The following NAV3 variants were observed in gnomAD, a reference collection of about 807,000 sequenced individuals.
NAV3 encodes pore membrane and/or filament interacting like protein 1.
In NAV3, 87 loss-of-function variants were observed where a neutral mutation model predicts 244.7. The ratio of observed to expected loss-of-function variants is 0.36; its 90% CI spans 0.30 to 0.42. The LOEUF is 0.42. Ranked by LOEUF, NAV3 falls within the 20% of genes least tolerant of loss-of-function variation. The probability of loss-of-function intolerance (pLI) is 1.00; values close to 1 mark genes in which losing one functional copy is unlikely to be tolerated. For missense variants in NAV3, 2,663 were observed against 2,893.3 expected, an observed-to-expected ratio of 0.92 and a Z score of 1.83; for synonymous variants, 1,126 against 1,042.2, an observed-to-expected ratio of 1.08 and a Z score of -1.55.
At chr12:78,143,674 G>C (rs1256663275) in intron 20 of NAV3, among the ~76,000 whole-genome samples, 1 of 150,538 alleles carries the variant, frequency 6.6e-6, no homozygotes, top group African/African-American at 2.4e-5. Context: ...GGGAGAGGGA[G>C]AGGGAATCTA....
Position 77,694,604 on chromosome 12 carries a change from A to C in NAV3, c.72+122338A>C, listed in dbSNP as rs78571531. Among the ~76,000 whole-genome samples the C allele has an allele frequency of 5.9e-3, 893 of 152,310 alleles. 11 individuals are homozygous for C. Among genetic ancestry groups the C allele is most frequent in the African/African-American group, 0.02 (847 of 41,578 alleles). Reference sequence around the variant, plus strand: ...GACAGCCTACTACCAATCTACACTTAACATGACTAGTATCTCCTTGAGTTA... The same window carrying C: ...GACAGCCTACTACCAATCTACACTTCACATGACTAGTATCTCCTTGAGTTA... On this transcript the variant is annotated intron_variant, in intron 2 of 8. Transcript: ENST00000550042.
At chr12:77,642,280 T>C (rs1872448715) in intron 2 of NAV3, among the ~76,000 whole-genome samples, 6 of 152,088 alleles carry the variant, frequency 3.9e-5, no homozygotes, top group Admixed American at 3.9e-4. Context: ...TAAAAATCTT[T>C]AATTATTATT....
intron 5 of NAV3, among the ~76,000 whole-genome samples, chr12:77,987,181 A>T (rs958081691): frequency 2.6e-5 from 4 of 152,160 alleles, no homozygotes; most frequent in Non-Finnish European, 5.9e-5. Flanking sequence ...CTGTATACAG[A>T]TTCTATAATA....
chr12:77,574,175 C>T (rs1202274903), intron 2 of NAV3, among the ~76,000 whole-genome samples: 1 of 152,088 alleles, frequency 6.6e-6, no homozygotes, highest in African/African-American at 2.4e-5. Flanking sequence ...TGAATGTTTT[C>T]AATGAGCAGT....
At chr12:77,735,445 T>G (rs1877294978) in intron 2 of NAV3, among the ~76,000 whole-genome samples, 2 of 152,126 alleles carry the variant, frequency 1.3e-5, no homozygotes, top group Admixed American at 1.3e-4. Context: ...AATGGTTAGC[T>G]AGATTTGAAC....
chr12:77,812,245 A>AC (rs200703877), intron 2 of NAV3, among the ~76,000 whole-genome samples: 2,185 of 152,122 alleles, frequency 0.014, 30 homozygotes, highest in African/African-American at 0.038. Flanking sequence ...CATTTAGAAA[A>AC]CCCCCTCTGA....
At chr12:77,903,525 T>G (rs941257503) in intron 1 of NAV3, among the ~76,000 whole-genome samples, 1 of 152,122 alleles carries the variant, frequency 6.6e-6, no homozygotes, top group Non-Finnish European at 1.5e-5. Context: ...ATGTTAGACC[T>G]AAAACCATAA....
chr12:77,622,110 G>A (rs974727224), intron 2 of NAV3, among the ~76,000 whole-genome samples: 2 of 152,076 alleles, frequency 1.3e-5, no homozygotes, highest in African/African-American at 4.8e-5. Context: ...AAATTGAATA[G>A]AAAAGGCAGG....
chr12:77,834,344 C>T (rs1315043695), intron 1 of NAV3, among the ~76,000 whole-genome samples: 1 of 152,144 alleles, frequency 6.6e-6, no homozygotes, highest in African/African-American at 2.4e-5. Context: ...TGAGAAAAAT[C>T]AGTTAAAATA....
At chr12:77,602,780 C>A (rs1353267647) in intron 2 of NAV3, among the ~76,000 whole-genome samples, 1 of 151,984 alleles carries the variant, frequency 6.6e-6, no homozygotes, top group East Asian at 1.9e-4. Context: ...CAGCCTCCTA[C>A]CTGTCAGAAG....
intron 2 of NAV3, among the ~76,000 whole-genome samples, chr12:77,799,102 C>T (rs1393183755): frequency 6.6e-6 from 1 of 152,148 alleles, no homozygotes; most frequent in African/African-American, 2.4e-5. Context: ...CTATCTTGAA[C>T]CTGAGCCGCA....
In NAV3 at chr12:77,825,401, G is replaced by A. The variant is rs765909401; in HGVS notation, c.73-114918G>A. ...TATGTTAATATATGTAGAAGAAAAC[G>A]TATGCTAACAGTAGCACAAGAAAGT... On this transcript the variant is annotated intron_variant, in intron 2 of 8. Transcript: ENST00000550042. Among the ~76,000 whole-genome samples, 17 of 152,050 alleles carry A rather than the reference G, an allele frequency of 1.1e-4. 1 individual carries two copies. The South Asian group carries it at 1.2e-3, about 11-fold the overall frequency.
intron 9 of NAV3, among the ~76,000 whole-genome samples, chr12:78,025,792 C>T (rs1382712497): frequency 1.3e-5 from 2 of 151,886 alleles, no homozygotes; most frequent in African/African-American, 4.8e-5. Context: ...TTCACTTTTT[C>T]TTGTTTATGC....
intron 1 of NAV3, among the ~76,000 whole-genome samples, chr12:77,904,403 C>G (rs1159184815): frequency 2.0e-5 from 3 of 152,052 alleles, no homozygotes; most frequent in Non-Finnish European, 1.5e-5. Flanking sequence ...GACAAAAAAC[C>G]AAACACCGCA....
intron 2 of NAV3, among the ~76,000 whole-genome samples, chr12:77,803,435 T>C (rs192889731): frequency 1.3e-5 from 2 of 152,324 alleles, no homozygotes; most frequent in African/African-American, 4.8e-5. Context: ...GCTTCATCCA[T>C]GTCCCTGCAT....
At chr12:77,725,526 G>A (rs1028694451) in intron 2 of NAV3, among the ~76,000 whole-genome samples, 4 of 151,394 alleles carry the variant, frequency 2.6e-5, no homozygotes, top group Non-Finnish European at 5.9e-5. Flanking sequence ...GTAAAAATGT[G>A]GCAGTCTTAA....
rs909032009 is a variant in NAV3 at position 77,850,725 on chromosome 12, G to C, written c.243+19021G>C. ...TTAAAATGGCTTCTTCAGATGGATG[G>C]ATACAGTGTGTGTAGGGAAGCTTTT... On this transcript the variant is annotated intron_variant, in intron 1 of 39. Coordinates refer to ENST00000397909, the MANE Select transcript of NAV3 (RefSeq NM_001024383.2). Among the ~76,000 whole-genome samples the C allele has an allele frequency of 5.3e-5, 8 of 152,098 alleles. No individual in the cohort carries two copies. The South Asian group carries it at 1.7e-3, about 32-fold the overall frequency.
intron 2 of NAV3, among the ~76,000 whole-genome samples, chr12:77,715,388 T>G (rs1876313544): frequency 1.3e-5 from 2 of 151,914 alleles, no homozygotes; most frequent in Admixed American, 1.3e-4. Context: ...TCTCTCTTAT[T>G]TGCATTGCTT....
At chr12:78,012,147 T>C (rs991217298) in intron 8 of NAV3, among the ~76,000 whole-genome samples, 1 of 152,120 alleles carries the variant, frequency 6.6e-6, no homozygotes, top group Non-Finnish European at 1.5e-5. Flanking sequence ...AGATTTTGTT[T>C]TTCTCTTTCA....
Sources: gnomAD v4.1 joint callset for allele counts (sites outside exome capture counted in the v4.1 genomes callset) on GRCh38, gnomAD v4.1.1 for gene constraint, MANE v1.5 for transcripts, NCBI Gene and HGNC (gene_info 2026-07-23, HGNC 2026-07-21) for gene names.